Variants in FOXP1 observed in about 807,000 individuals in gnomAD.
FOXP1 encodes the protein forkhead box protein P1.
A neutral mutation model predicts 98.2 loss-of-function variants in FOXP1; 15 were observed. That is an observed-to-expected ratio of 0.15 (90% CI 0.10 to 0.24). FOXP1 has a LOEUF of 0.24. Ranked by LOEUF, FOXP1 falls within the 10% of genes least tolerant of loss-of-function variation. The pLI is 1.00. For synonymous variants in FOXP1, 371 were observed against 314.5 expected (o/e 1.18, Z -1.90); for missense variants, 633 against 848.5 (o/e 0.75, Z 3.15).
intron 6 of FOXP1, among the ~76,000 whole-genome samples, chr3:71,170,431 C>T (rs1001149312): frequency 1.3e-5 from 2 of 152,200 alleles, no homozygotes; most frequent in Non-Finnish European, 2.9e-5. Flanking sequence ...TTAATTCCTG[C>T]AGGCTGTGCT....
At chr3:70,974,033 C>G (rs187389630) in intron 17 of FOXP1, among the ~76,000 whole-genome samples, 2 of 152,088 alleles carry the variant, frequency 1.3e-5, no homozygotes, top group East Asian at 3.9e-4. Flanking sequence ...GATAATGAGA[C>G]AAGTTTTTTA....
chr3:70,966,001 G>A lies in FOXP1; in HGVS notation c.1778C>T (p.Pro593Leu). The change falls in exon 20 of 21, where the codon CCC becomes CTC. Residue 593 changes from proline (P) to leucine (L), a missense_variant. Physicochemically the swap from Pro to Leu is moderately conservative, Grantham distance 98. Coordinates refer to ENST00000649528, the MANE Select transcript of FOXP1 (RefSeq NM_001349338.3). ...TGCGCTGGCTAAGTTGCCCAGAGTG[G>A]GATTTCCCATGGAAGCGGTAGTGTA... is the stretch of plus-strand genomic sequence containing the variant. ...PLYTTASMGN[P>L]TLGNLASAIR... is the part of the protein sequence containing the mutation. The A allele has an allele frequency of 6.2e-7, 1 of 1,614,100 alleles. No homozygotes were observed.
At chr3:71,174,785 T>TAC (rs3064896) in intron 6 of FOXP1, among the ~76,000 whole-genome samples, 11,308 of 131,604 alleles carry the variant, frequency 0.086, 622 homozygotes, top group Middle Eastern at 0.2. Flanking sequence ...TGCACATGCA[T>TAC]ACACACACAC....
At chr3:71,021,231 T>C (rs764446242) in intron 11 of FOXP1, among the ~76,000 whole-genome samples, 4 of 152,154 alleles carry the variant, frequency 2.6e-5, no homozygotes, top group Non-Finnish European at 4.4e-5. Flanking sequence ...TGCCAATCCC[T>C]AATCTTTCTG....
chr3:71,291,208 ACTGT>A (rs1420332543), intron 5 of FOXP1, among the ~76,000 whole-genome samples: 1 of 152,194 alleles, frequency 6.6e-6, no homozygotes, highest in Non-Finnish European at 1.5e-5. Context: ...ATCCAGCAAC[ACTGT>A]CTAATAGAAA....
Position 70,956,619 on chromosome 3 carries a change from T to G in FOXP1, c.*2628A>C, listed in dbSNP as rs2031853839. The G allele has an allele frequency of 4.3e-6, 1 of 230,754 alleles. No individual in the cohort carries two copies. The highest frequency in any genetic ancestry group is 8.6e-6 in the Non-Finnish European group (1 of 116,466). 14.3% of individuals were successfully genotyped at this position (230,754 alleles called of 1,614,324 possible). On this transcript the variant is annotated 3_prime_UTR_variant, in exon 21 of 21. Transcript: ENST00000649528. The stretch of plus-strand genomic sequence containing the variant: ...AGAATGAACTAATCTACCAGATTTT[T>G]ATCCTCTTTTGAATACCAAACTAAC...
chr3:71,536,932 T>C (rs1304148184), intron 2 of FOXP1, among the ~76,000 whole-genome samples: 2 of 152,032 alleles, frequency 1.3e-5, no homozygotes, highest in Non-Finnish European at 2.9e-5. Flanking sequence ...CGCAGAGATG[T>C]AGAAGTGACT....
chr3:71,579,280 C>T (rs929127876), intron 2 of FOXP1, among the ~76,000 whole-genome samples: 54 of 151,968 alleles, frequency 3.6e-4, no homozygotes, highest in African/African-American at 1.3e-3. Context: ...TAAATATAAA[C>T]ACAAAATCTT....
intron 3 of FOXP1, among the ~76,000 whole-genome samples, chr3:71,434,936 C>T (rs946464222): frequency 2.0e-5 from 3 of 151,822 alleles, no homozygotes; most frequent in African/African-American, 4.8e-5. Flanking sequence ...GCTAACAGGC[C>T]CCCGTCACCT....
chr3:71,183,082 G>A (rs2108292790), intron 6 of FOXP1, among the ~76,000 whole-genome samples: 1 of 152,070 alleles, frequency 6.6e-6, no homozygotes, highest in Admixed American at 6.5e-5. Flanking sequence ...TTTTCATATT[G>A]TAAATACCAT....
intron 11 of FOXP1, among the ~76,000 whole-genome samples, chr3:71,031,892 G>A (rs908523690): frequency 6.6e-6 from 1 of 152,204 alleles, no homozygotes; most frequent in Non-Finnish European, 1.5e-5. Flanking sequence ...GTTTTTAACT[G>A]ACTTTCTATG....
intron 6 of FOXP1, among the ~76,000 whole-genome samples, chr3:71,129,214 T>C (rs1173864880): frequency 6.6e-6 from 1 of 152,218 alleles, no homozygotes; most frequent in Non-Finnish European, 1.5e-5. Context: ...TCAGTCACTC[T>C]TTCCATTTTC....
chr3:71,410,417 C>CT (rs527380876), intron 3 of FOXP1, among the ~76,000 whole-genome samples: 49 of 152,228 alleles, frequency 3.2e-4, no homozygotes, highest in Admixed American at 5.2e-4. Flanking sequence ...TTGTTTCCAA[C>CT]TTTTTTCTAT....
chr3:71,296,589 T>C (rs1387255912), intron 5 of FOXP1: 2 of 149,794 alleles, frequency 1.3e-5, no homozygotes, highest in East Asian at 1.9e-4. Flanking sequence ...AAAACACAGA[T>C]GGAATGGATA....
At chr3:71,039,755 T>TG (rs1452705609) in intron 11 of FOXP1, among the ~76,000 whole-genome samples, 10 of 146,170 alleles carry the variant, frequency 6.8e-5, no homozygotes, top group Non-Finnish European at 1.4e-4. Context: ...TTTTCTTTCT[T>TG]GAAAAAAAAA....
intron 4 of FOXP1, among the ~76,000 whole-genome samples, chr3:71,326,903 T>C (rs938698143): frequency 6.6e-6 from 1 of 152,088 alleles, no homozygotes; most frequent in African/African-American, 2.4e-5. Context: ...AGAGAAATAG[T>C]TGGAGGAAGT....
At chr3:71,400,216 T>C (rs1209089879) in intron 3 of FOXP1, among the ~76,000 whole-genome samples, 1 of 152,220 alleles carries the variant, frequency 6.6e-6, no homozygotes, top group East Asian at 1.9e-4. Flanking sequence ...TTGATATCAT[T>C]ACCTGGCTGA....
intron 3 of FOXP1, among the ~76,000 whole-genome samples, chr3:71,459,642 A>C (rs2087831272): frequency 6.6e-6 from 1 of 152,200 alleles, no homozygotes; most frequent in Admixed American, 6.5e-5. Context: ...CTTCATCACA[A>C]ATAAATATTC....
intron 7 of FOXP1, among the ~76,000 whole-genome samples, chr3:71,074,502 C>T (rs946158636): frequency 2.6e-5 from 4 of 152,166 alleles, no homozygotes; most frequent in Non-Finnish European, 4.4e-5. Flanking sequence ...ACTGGGATTA[C>T]AGGCGTTGAG....
Sources: allele counts gnomAD v4.1 joint callset (sites outside exome capture counted in the v4.1 genomes callset), GRCh38; gene constraint gnomAD v4.1.1; transcripts MANE v1.5; gene names NCBI Gene and HGNC (gene_info 2026-07-23, HGNC 2026-07-21).